PRR16: variants seen among roughly 807,000 people sequenced by gnomAD.
PRR16 encodes proline rich 16, also known as protein Largen.
PRR16 carries 6 observed loss-of-function variants against 18.2 expected under a neutral mutation model. The observed-to-expected ratio is 0.33, with a 90% CI of 0.18 to 0.65. PRR16 has a LOEUF of 0.65. Among genes scored for constraint, PRR16 ranks in the 30% least tolerant of loss-of-function variants. The pLI is 0.74. For synonymous variants in PRR16, 151 were observed against 147.8 expected, an observed-to-expected ratio of 1.02 and a Z score of -0.16; for missense variants, 412 against 376.6, an observed-to-expected ratio of 1.09 and a Z score of -0.78.
the PRR16 span, among the ~76,000 whole-genome samples, chr5:120,711,028 A>C: frequency 2.0e-5 from 3 of 151,776 alleles, no homozygotes; most frequent in Admixed American, 2.0e-4. Context: ...CCAGCAAAAG[A>C]CTGGTTAAGT....
At chr5:120,693,190 G>A in the PRR16 span, among the ~76,000 whole-genome samples, 23 of 152,122 alleles carry the variant, frequency 1.5e-4, no homozygotes, top group South Asian at 2.1e-4. Context: ...AAGAAAGCCC[G>A]TGTTTGAGTC....
chr5:120,789,601 C>T, the PRR16 span, among the ~76,000 whole-genome samples: 1 of 151,992 alleles, frequency 6.6e-6, no homozygotes, highest in Non-Finnish European at 1.5e-5. Flanking sequence ...AAAGATCTAC[C>T]TCAATGGAAA....
chr5:120,537,769 G>T (rs917164380), intron 1 of PRR16, among the ~76,000 whole-genome samples: 7 of 115,172 alleles, frequency 6.1e-5, no homozygotes, highest in African/African-American at 1.6e-4. Context: ...AATTTTTAAT[G>T]TTTTTTTTTT....
At chr5:120,696,824 A>G in the PRR16 span, among the ~76,000 whole-genome samples, 2 of 152,354 alleles carry the variant, frequency 1.3e-5, no homozygotes, top group African/African-American at 4.8e-5. Flanking sequence ...AGTAATGCAT[A>G]TGTTAAATAG....
chr5:120,785,974 C>CT, the PRR16 span, among the ~76,000 whole-genome samples: 2 of 135,482 alleles, frequency 1.5e-5, no homozygotes, highest in African/African-American at 5.1e-5. Flanking sequence ...TTTAGTCATT[C>CT]TTTAAAAAAA....
intron 1 of PRR16, among the ~76,000 whole-genome samples, chr5:120,656,272 G>C (rs1052609287): frequency 6.6e-6 from 1 of 151,768 alleles, no homozygotes; most frequent in African/African-American, 2.4e-5. Context: ...TGAGTAGTTA[G>C]CTTGTATAGC....
In PRR16 at chr5:120,686,036, A is replaced by ATAG; in HGVS notation, c.246_248dup (p.Ser85dup). On this transcript the variant is annotated inframe_insertion, in exon 2 of 2. Transcript: ENST00000407149. ...GACAGCTCCAAAACGGACACGCTGA[A>ATAG]TAGTAGCTCAAGTGGCACAACAGCC... 1 of 1,614,168 alleles carries ATAG rather than the reference A, an allele frequency of 6.2e-7. No homozygotes were observed. The highest frequency in any genetic ancestry group is 8.5e-7 in the Non-Finnish European group (1 of 1,180,020).
chr5:120,779,157 A>G, the PRR16 span, among the ~76,000 whole-genome samples: 1 of 152,182 alleles, frequency 6.6e-6, no homozygotes, highest in Non-Finnish European at 1.5e-5. Context: ...TTTTGCCAGA[A>G]GGAGGGATAA....
At chr5:120,520,351 T>C (rs1331002087) in intron 1 of PRR16, among the ~76,000 whole-genome samples, 1 of 152,110 alleles carries the variant, frequency 6.6e-6, no homozygotes, top group East Asian at 1.9e-4. Context: ...GCCAAGATCA[T>C]GCCACTGCAC....
intron 1 of PRR16, among the ~76,000 whole-genome samples, chr5:120,519,753 TAAGAG>T (rs1490436723): frequency 1.3e-5 from 2 of 152,014 alleles, no homozygotes; most frequent in East Asian, 3.9e-4. Context: ...AAATAGAAAT[TAAGAG>T]AAAAGAAAAA....
At chr5:120,669,746 A>T (rs1350218098) in intron 1 of PRR16, among the ~76,000 whole-genome samples, 2 of 152,088 alleles carry the variant, frequency 1.3e-5, no homozygotes, top group African/African-American at 4.8e-5. Flanking sequence ...GTAAAAGAGA[A>T]AGTCTTGTTT....
intron 1 of PRR16, among the ~76,000 whole-genome samples, chr5:120,632,381 C>T (rs1755086761): frequency 6.6e-6 from 1 of 152,082 alleles, no homozygotes; most frequent in Non-Finnish European, 1.5e-5. Flanking sequence ...AAGACAAAAA[C>T]CTCTGAATTT....
the PRR16 span, among the ~76,000 whole-genome samples, chr5:120,700,801 C>T: frequency 1.3e-3 from 195 of 152,196 alleles, no homozygotes; most frequent in African/African-American, 4.2e-3. Flanking sequence ...ACCCAAAGCT[C>T]GGCGTCGGTG....
chr5:120,565,293 T>C (rs1003366596), intron 1 of PRR16, among the ~76,000 whole-genome samples: 2 of 152,218 alleles, frequency 1.3e-5, no homozygotes, highest in Admixed American at 1.3e-4. Flanking sequence ...ATGTGTGATA[T>C]ATTATCAGTT....
the PRR16 span, among the ~76,000 whole-genome samples, chr5:120,763,467 A>C: frequency 6.6e-6 from 1 of 152,048 alleles, no homozygotes; most frequent in Non-Finnish European, 1.5e-5. Flanking sequence ...AACCTTGGAC[A>C]TATTTTCCAA....
chr5:120,512,699 TG>T (rs564917223), intron 1 of PRR16, among the ~76,000 whole-genome samples: 95 of 152,248 alleles, frequency 6.2e-4, no homozygotes, highest in Non-Finnish European at 1.2e-3. Flanking sequence ...AAACAGCCTG[TG>T]TAACAATGAA....
the PRR16 span, among the ~76,000 whole-genome samples, chr5:120,754,554 A>C: frequency 0.35 from 24,768 of 70,290 alleles, 3,811 homozygotes; most frequent in South Asian, 0.43. Context: ...TATATATAAT[A>C]TATATTATAT....
intron 1 of PRR16, among the ~76,000 whole-genome samples, chr5:120,564,189 T>C (rs1452185744): frequency 6.6e-6 from 1 of 152,162 alleles, no homozygotes; most frequent in Non-Finnish European, 1.5e-5. Flanking sequence ...TCACTTTTGT[T>C]GCTGTGAGCT....
intron 1 of PRR16, among the ~76,000 whole-genome samples, chr5:120,678,461 A>G (rs1756875596): frequency 6.6e-6 from 1 of 152,182 alleles, no homozygotes; most frequent in African/African-American, 2.4e-5. Flanking sequence ...TTCTTAGTGA[A>G]TTCTTACTAT....
Sources: allele counts gnomAD v4.1 joint callset (sites outside exome capture counted in the v4.1 genomes callset), GRCh38; gene constraint gnomAD v4.1.1; transcripts MANE v1.5; gene names NCBI Gene and HGNC (gene_info 2026-07-23, HGNC 2026-07-21).